The following NXPE3 variants were observed in gnomAD, a reference collection of about 807,000 sequenced individuals.
NXPE3 encodes neurexophilin and PC-esterase domain family member 3, also known as NXPE family member 3.
NXPE3 carries 26 observed loss-of-function variants against 46.1 expected under a neutral mutation model. That is an observed-to-expected ratio of 0.56 (90% CI 0.41 to 0.78). NXPE3 has a LOEUF of 0.78. Among genes scored for constraint, NXPE3 ranks in the 30% least tolerant of loss-of-function variants. The probability of loss-of-function intolerance (pLI) is 0.00; values close to 1 mark genes in which losing one functional copy is unlikely to be tolerated. For synonymous variants in NXPE3, 272 were observed against 257.9 expected, an observed-to-expected ratio of 1.05 and a Z score of -0.52; for missense variants, 620 against 686.0, an observed-to-expected ratio of 0.90 and a Z score of 1.07.
At position 101,817,006 on chromosome 3, in the gene NXPE3, G is replaced by T; in HGVS notation, c.1129+5G>T. ...ACCTTACTACATTTGTTCCAGGTTG[G>T]TACTGTGCCTTTTGTTTCGTAACTC... On this transcript the variant is annotated splice_donor_5th_base_variant and intron_variant, in intron 7 of 7. Transcript: ENST00000273347. The T allele has an allele frequency of 6.2e-7, 1 of 1,613,234 alleles. No individual in the cohort carries two copies. The highest frequency in any genetic ancestry group is 1.1e-5 in the South Asian group (1 of 91,046).
At position 101,823,771 on chromosome 3, in the gene NXPE3, A is replaced by C. The variant is rs938678749; in HGVS notation, c.*1817A>C. 2 of 151,854 alleles carry C rather than the reference A, an allele frequency of 1.3e-5. No individual in the cohort carries two copies. Among genetic ancestry groups the C allele is most frequent in the African/African-American group, 4.8e-5 (2 of 41,266 alleles). The allele number at this position is 151,854 out of a possible 1,614,324, so 9.4% of individuals were successfully genotyped here. ...CAGACAAGAGATCTTATCTCTAAAAAATTTTTGTTAAATAATAAAAGAATT... is the reference window on the plus strand; with the variant it reads ...CAGACAAGAGATCTTATCTCTAAAACATTTTTGTTAAATAATAAAAGAATT... On this transcript the variant is annotated 3_prime_UTR_variant, in exon 8 of 8. Coordinates refer to ENST00000273347, the MANE Select transcript of NXPE3 (RefSeq NM_145037.4).
chr3:101,806,523 C>A (rs1380293481), intron 5 of NXPE3, among the ~76,000 whole-genome samples: 2 of 152,108 alleles, frequency 1.3e-5, no homozygotes, highest in South Asian at 4.1e-4. Context: ...TGCTGCCTCC[C>A]TTGAGTAGTA....
intron 6 of NXPE3, among the ~76,000 whole-genome samples, chr3:101,810,112 A>G (rs1326583394): frequency 1.3e-5 from 2 of 152,208 alleles, no homozygotes; most frequent in Non-Finnish European, 2.9e-5. Context: ...AAGGAAAAAC[A>G]GTTTTTAGTT....
intron 6 of NXPE3, among the ~76,000 whole-genome samples, chr3:101,811,109 C>T (rs903464222): frequency 5.3e-5 from 8 of 152,180 alleles, no homozygotes; most frequent in Admixed American, 3.3e-4. Context: ...GCGTGAGCCA[C>T]GCGCCCGGCC....
intron 4 of NXPE3, among the ~76,000 whole-genome samples, chr3:101,786,055 T>A (rs955704027): frequency 6.6e-6 from 1 of 152,132 alleles, no homozygotes; most frequent in Non-Finnish European, 1.5e-5. Context: ...AAAAACCTCT[T>A]CAAGGAGGGG....
Position 101,801,306 on chromosome 3 carries a change from A to G in NXPE3, c.165A>G (p.Thr55=), listed in dbSNP as rs374339919. 5.6e-6 allele frequency: 9 copies of G among 1,614,206 alleles called. No individual in the cohort carries two copies. The African/African-American group carries it at 9.3e-5, about 17-fold the overall frequency. ...SSGQFVSSQV[T]GISRNPYCGY... ...GACAGTTTGTTTCCTCCCAGGTGAC[A>G]GGAATTAGCCGAAATCCCTACTGTG... The change falls in exon 5 of 8, where the codon ACA becomes ACG. Residue 55 remains threonine, a synonymous_variant. Coordinates refer to ENST00000273347, the MANE Select transcript of NXPE3 (RefSeq NM_145037.4).
chr3:101,794,096 T>G (rs1940680363), intron 4 of NXPE3, among the ~76,000 whole-genome samples: 1 of 152,048 alleles, frequency 6.6e-6, no homozygotes, highest in South Asian at 2.1e-4. Flanking sequence ...AAACCATTGT[T>G]TCATGTATTT....
intron 6 of NXPE3, among the ~76,000 whole-genome samples, chr3:101,811,753 A>G (rs1941718288): frequency 1.1e-4 from 8 of 71,110 alleles, no homozygotes; most frequent in African/African-American, 1.4e-4. Context: ...TTTTTTTTTG[A>G]GAAGGTGTCT....
chr3:101,801,573 G>A lies in NXPE3; in HGVS notation c.432G>A (p.Leu144=). 6.2e-7 allele frequency: 1 copy of A among 1,614,226 alleles called. No homozygotes were observed. Among genetic ancestry groups the A allele is most frequent in the Non-Finnish European group, 8.5e-7 (1 of 1,180,048 alleles). Residue 144 remains leucine (L), a synonymous_variant, in exon 5 of 8, where the codon CTG becomes CTA. Coordinates refer to ENST00000273347, the MANE Select transcript of NXPE3 (RefSeq NM_145037.4). ...CCAAGAAGTATGGTGGAGACTACCT[G>A]CAGGCCAGAATTCACTCCCTCAAGC... The part of the protein sequence containing the change: ...RKPKKYGGDY[L]QARIHSLKLQ...
At chr3:101,818,742 TATATA>T (rs1560067337) in intron 7 of NXPE3, among the ~76,000 whole-genome samples, 17 of 32,634 alleles carry the variant, frequency 5.2e-4, no homozygotes, top group Non-Finnish European at 7.1e-4. Flanking sequence ...TATATATATA[TATATA>T]TATATATTTT....
chr3:101,812,023 C>A (rs376457803), intron 6 of NXPE3, among the ~76,000 whole-genome samples: 13 of 152,088 alleles, frequency 8.5e-5, no homozygotes, highest in African/African-American at 3.1e-4. Flanking sequence ...TGTGAGCCAC[C>A]ACTGTACCTG....
chr3:101,783,208 C>G (rs759753300), intron 3 of NXPE3, among the ~76,000 whole-genome samples: 1 of 152,080 alleles, frequency 6.6e-6, no homozygotes, highest in Admixed American at 6.5e-5. Flanking sequence ...ACTACAGGCA[C>G]CCGCCACCAC....
At chr3:101,793,587 C>CT (rs1464139005) in intron 4 of NXPE3, among the ~76,000 whole-genome samples, 4 of 82,722 alleles carry the variant, frequency 4.8e-5, no homozygotes, top group Non-Finnish European at 1.1e-4. Context: ...CCCCTTTTTC[C>CT]TTTTTTTCTG....
At chr3:101,788,568 C>T (rs1268804452) in intron 4 of NXPE3, among the ~76,000 whole-genome samples, 2 of 152,148 alleles carry the variant, frequency 1.3e-5, no homozygotes, top group African/African-American at 4.8e-5. Flanking sequence ...GTGATGAAAA[C>T]ACATAAAATT....
At chr3:101,787,838 G>A (rs1477020289) in intron 4 of NXPE3, among the ~76,000 whole-genome samples, 1 of 152,178 alleles carries the variant, frequency 6.6e-6, no homozygotes, top group Non-Finnish European at 1.5e-5. Flanking sequence ...CATTTGGGTT[G>A]TTTCTACCTT....
At chr3:101,814,809 G>A (rs1054033217) in intron 6 of NXPE3, among the ~76,000 whole-genome samples, 3 of 152,130 alleles carry the variant, frequency 2.0e-5, no homozygotes, top group African/African-American at 4.8e-5. Flanking sequence ...AAAAGAAATG[G>A]TTAACATCTA....
chr3:101,803,083 A>G (rs35799195), intron 5 of NXPE3, among the ~76,000 whole-genome samples: 46,806 of 152,100 alleles, frequency 0.31, 7,408 homozygotes, highest in Non-Finnish European at 0.34. Flanking sequence ...CATGTTTTTT[A>G]CTTTTTAGTG....
chr3:101,789,062 C>G (rs1424060304), intron 4 of NXPE3, among the ~76,000 whole-genome samples: 1 of 152,106 alleles, frequency 6.6e-6, no homozygotes, highest in Non-Finnish European at 1.5e-5. Flanking sequence ...TTTTGAAGAA[C>G]CAGCTTTTGA....
intron 5 of NXPE3, among the ~76,000 whole-genome samples, chr3:101,805,272 T>C (rs531948755): frequency 6.6e-6 from 1 of 152,360 alleles, no homozygotes; most frequent in Non-Finnish European, 1.5e-5. Context: ...TTTCTTCAGT[T>C]GTCCCAATAA....
Sources: gnomAD v4.1 joint callset for allele counts (sites outside exome capture counted in the v4.1 genomes callset) on GRCh38, gnomAD v4.1.1 for gene constraint, MANE v1.5 for transcripts, NCBI Gene and HGNC (gene_info 2026-07-23, HGNC 2026-07-21) for gene names.